Variants in GPC5 observed in about 807,000 individuals in gnomAD.
GPC5 encodes the protein glypican 5.
A neutral mutation model predicts 53.9 loss-of-function variants in GPC5; 47 were observed. The ratio of observed to expected loss-of-function variants is 0.87; its 90% confidence interval spans 0.69 to 1.11. The LOEUF (loss-of-function observed/expected upper bound fraction) is 1.11, where lower values mean the gene tolerates loss of function less well. GPC5 is among the 50% of genes most tolerant of loss of function. GPC5 has a pLI of 0.00. For missense variants in GPC5, 748 were observed against 713.1 expected (o/e 1.05, Z -0.56); for synonymous variants, 286 against 263.3 (o/e 1.09, Z -0.84).
At chr13:92,241,037 C>A (rs981638123) in intron 7 of GPC5, 2 of 151,872 alleles carry the variant, frequency 1.3e-5, no homozygotes, top group Non-Finnish European at 2.9e-5. Flanking sequence ...TGCCCAGAAC[C>A]AAGTTTATTA....
rs1340533565 is a variant in GPC5, at chr13:92,838,283, A to G, written c.1562-27999A>G. Among the ~76,000 whole-genome samples, 7 of 151,550 alleles carry G rather than the reference A, an allele frequency of 4.6e-5. No homozygotes were observed. The South Asian group carries it at 6.3e-4, about 14-fold the overall frequency. ...GCGGATCACGAGGTCAGGAGATCGAAACCATCCTGGCTAACACCGTGAAAC... is the reference window on the plus strand; with the variant it reads ...GCGGATCACGAGGTCAGGAGATCGAGACCATCCTGGCTAACACCGTGAAAC... On this transcript the variant is annotated intron_variant, in intron 7 of 7. Coordinates refer to ENST00000377067, the MANE Select transcript of GPC5 (RefSeq NM_004466.6).
At chr13:92,573,992 A>G (rs1883114498) in intron 7 of GPC5, among the ~76,000 whole-genome samples, 1 of 152,088 alleles carries the variant, frequency 6.6e-6, no homozygotes, top group Non-Finnish European at 1.5e-5. Context: ...TCCAACCTCC[A>G]ACAAGGCCTG....
chr13:91,855,412 A>T (rs1262374118), intron 5 of GPC5, among the ~76,000 whole-genome samples: 2 of 151,724 alleles, frequency 1.3e-5, no homozygotes, highest in Non-Finnish European at 3.0e-5. Context: ...TCAAACATGC[A>T]TATAAAATTA....
intron 6 of GPC5, among the ~76,000 whole-genome samples, chr13:91,950,271 T>TG (rs1398422479): frequency 3.2e-4 from 48 of 150,358 alleles, no homozygotes; most frequent in Non-Finnish European, 6.2e-4. Context: ...GCCAAGTTTT[T>TG]TTTTTTTTTT....
At chr13:91,522,630 C>T (rs533735398) in intron 2 of GPC5, among the ~76,000 whole-genome samples, 5 of 152,188 alleles carry the variant, frequency 3.3e-5, no homozygotes, top group East Asian at 1.9e-4. Flanking sequence ...TAACTCTCTA[C>T]GTTAGATATT....
At chr13:92,488,428 T>C (rs1879639407) in intron 7 of GPC5, among the ~76,000 whole-genome samples, 1 of 152,232 alleles carries the variant, frequency 6.6e-6, no homozygotes, top group Non-Finnish European at 1.5e-5. Flanking sequence ...ACATAGATTC[T>C]AGGCAGTGAT....
At chr13:92,458,160 A>C (rs898180751) in intron 7 of GPC5, among the ~76,000 whole-genome samples, 2 of 152,142 alleles carry the variant, frequency 1.3e-5, no homozygotes, top group Admixed American at 6.5e-5. Context: ...GTCAGTCATA[A>C]ATTGTGGTTA....
chr13:92,400,711 T>C (rs1443893404), intron 7 of GPC5, among the ~76,000 whole-genome samples: 1 of 152,218 alleles, frequency 6.6e-6, no homozygotes, highest in African/African-American at 2.4e-5. Flanking sequence ...TTGTCTTACA[T>C]CACAATTGTT....
At chr13:92,864,164 T>C (rs1879271231) in intron 7 of GPC5, among the ~76,000 whole-genome samples, 1 of 152,204 alleles carries the variant, frequency 6.6e-6, no homozygotes, top group African/African-American at 2.4e-5. Context: ...GGTTGTGATT[T>C]GATCCATAAC....
intron 7 of GPC5, among the ~76,000 whole-genome samples, chr13:92,207,117 G>A (rs2042343296): frequency 6.6e-6 from 1 of 152,096 alleles, no homozygotes; most frequent in Admixed American, 6.5e-5. Flanking sequence ...CCTTGGAAGG[G>A]ATATTAGGTT....
chr13:92,698,585 T>C (rs9556202), intron 7 of GPC5, among the ~76,000 whole-genome samples: 19,223 of 152,198 alleles, frequency 0.13, 1,873 homozygotes, highest in East Asian at 0.4. Flanking sequence ...TTCGGGTTGG[T>C]TCCAAGTCTT....
At chr13:92,170,477 G>C (rs147792032) in intron 7 of GPC5, among the ~76,000 whole-genome samples, 1,641 of 137,172 alleles carry the variant, frequency 0.012, 29 homozygotes, top group African/African-American at 0.044. Context: ...CCAGGCTGGA[G>C]TGTAGTGGTG....
chr13:91,600,551 A>G (rs1250244712), intron 2 of GPC5, among the ~76,000 whole-genome samples: 1 of 152,122 alleles, frequency 6.6e-6, no homozygotes, highest in Non-Finnish European at 1.5e-5. Context: ...ATCTGGAAAA[A>G]ATAAAAATTA....
chr13:92,854,169 C>G (rs1429587915), intron 7 of GPC5, among the ~76,000 whole-genome samples: 1 of 149,748 alleles, frequency 6.7e-6, no homozygotes, highest in African/African-American at 2.4e-5. Context: ...GCTATATCCA[C>G]TAGTCATTAC....
At chr13:92,102,310 G>T (rs1431967856) in intron 6 of GPC5, among the ~76,000 whole-genome samples, 2 of 152,156 alleles carry the variant, frequency 1.3e-5, no homozygotes, top group Non-Finnish European at 2.9e-5. Context: ...TCAAAGATAT[G>T]TTACTTTTCA....
chr13:92,403,227 G>T (rs1397195367), intron 7 of GPC5, among the ~76,000 whole-genome samples: 1 of 152,144 alleles, frequency 6.6e-6, no homozygotes, highest in East Asian at 1.9e-4. Flanking sequence ...GGATTTAATG[G>T]CTACATGAAC....
Position 92,092,504 on chromosome 13 carries a change from A to G in GPC5, c.1402-52326A>G, listed in dbSNP as rs542776613. Among the ~76,000 whole-genome samples the G allele has an allele frequency of 7.2e-5, 11 of 152,322 alleles. No individual in the cohort carries two copies. In the South Asian group the frequency reaches 2.3e-3, roughly 32 times the overall value. ...CTGGACAACATTGAAGTAGATATTT[A>G]AATAAGTGAAGGTAATCAAGCAGTT... On this transcript the variant is annotated intron_variant, in intron 6 of 7. Transcript: ENST00000377067.
Position 92,036,018 on chromosome 13 carries a change from C to A in GPC5, c.1402-108812C>A, listed in dbSNP as rs950050255. On this transcript the variant is annotated intron_variant, in intron 6 of 7. Transcript: ENST00000377067. Reference sequence around the variant, plus strand: ...TGATAAATGAATATTCAAACTGGCCCCCGGGGTTGTTTTTAGTTTGATAGT... The same window carrying A: ...TGATAAATGAATATTCAAACTGGCCACCGGGGTTGTTTTTAGTTTGATAGT... Among the ~76,000 whole-genome samples the A allele has an allele frequency of 2.0e-5, 3 of 152,184 alleles. No homozygotes were observed. In the South Asian group the frequency reaches 6.2e-4, roughly 32 times the overall value.
intron 7 of GPC5, among the ~76,000 whole-genome samples, chr13:92,700,372 G>A (rs1887693287): frequency 6.7e-6 from 1 of 149,588 alleles, no homozygotes; most frequent in Non-Finnish European, 1.5e-5. Context: ...ACAGCACTCT[G>A]ATGGGTCTTG....
Sources: gnomAD v4.1 joint callset for allele counts (sites outside exome capture counted in the v4.1 genomes callset) on GRCh38, gnomAD v4.1.1 for gene constraint, MANE v1.5 for transcripts, NCBI Gene and HGNC (gene_info 2026-07-23, HGNC 2026-07-21) for gene names.